The following PTPDC1 variants were observed in gnomAD, a reference collection of about 807,000 sequenced individuals.
PTPDC1 encodes protein tyrosine phosphatase domain-containing protein 1.
In PTPDC1, 53 loss-of-function variants were observed where a neutral mutation model predicts 75.3. The ratio of observed to expected loss-of-function variants is 0.70; its 90% confidence interval spans 0.56 to 0.88. PTPDC1 has a LOEUF of 0.88. PTPDC1 is among the 40% of genes least tolerant of loss of function. The pLI, the probability that PTPDC1 is intolerant of heterozygous loss-of-function variation, is 0.00. For missense variants in PTPDC1, 925 were observed against 998.6 expected (o/e 0.93, Z 0.99); for synonymous variants, 349 against 366.2 (o/e 0.95, Z 0.54).
In PTPDC1 at chr9:94,085,295, C is replaced by A. The variant is rs763097057; in HGVS notation, c.289C>A (p.Arg97Ser). ...PTPKYTKVGE[R>S]LRHVIPGHMA... ...ACCAAAGTACACAAAAGTAGGGGAG[C>A]GTTTACGGCATGTCATTCCTGGACA... Residue 97 changes from arginine (R) to serine (S), a missense_variant, in exon 2 of 9, where the codon CGT becomes AGT. Coordinates refer to ENST00000620992, the MANE Select transcript of PTPDC1 (RefSeq NM_001253829.2). 1.6e-5 allele frequency: 26 copies of A among 1,614,058 alleles called. No homozygotes were observed. The highest frequency in any genetic ancestry group is 2.2e-5 in the Non-Finnish European group (26 of 1,179,978).
At chr9:94,064,670 T>A in intron 1 of PTPDC1, 1 of 1,129,756 alleles carries the variant, frequency 8.9e-7, no homozygotes, top group Non-Finnish European at 1.3e-6. Flanking sequence ...CTAGCCATAT[T>A]TTGGGTGATT....
intron 6 of PTPDC1, 51 bp from the exon 7 acceptor site, chr9:94,101,512 TCTC>T: frequency 7.1e-7 from 1 of 1,410,664 alleles, no homozygotes; most frequent in Non-Finnish European, 9.9e-7. Context: ...TGCACCTCCC[TCTC>T]CTCTCCCTGT....
intron 3 of PTPDC1, 21 bp from the exon 4 acceptor site, chr9:94,088,124 G>A: frequency 1.2e-6 from 2 of 1,609,142 alleles, no homozygotes; most frequent in Non-Finnish European, 1.7e-6. Context: ...CAATATGACT[G>A]ACTGCCCTTT....
chr9:94,060,732 C>T (rs1170190849), intron 1 of PTPDC1, among the ~76,000 whole-genome samples: 1 of 152,076 alleles, frequency 6.6e-6, no homozygotes, highest in Non-Finnish European at 1.5e-5. Flanking sequence ...AGCTGAATCC[C>T]ATGAGAACTC....
intron 1 of PTPDC1, among the ~76,000 whole-genome samples, chr9:94,043,630 A>T (rs537225333): frequency 6.6e-6 from 1 of 152,282 alleles, no homozygotes; most frequent in African/African-American, 2.4e-5. Flanking sequence ...CTGAGGTGGG[A>T]AAAACACCTG....
At chr9:94,038,972 C>T (rs1350461512) in intron 1 of PTPDC1, among the ~76,000 whole-genome samples, 1 of 152,178 alleles carries the variant, frequency 6.6e-6, no homozygotes, top group East Asian at 1.9e-4. Flanking sequence ...TATAAGGTCA[C>T]ATGCTTTTAA....
chr9:94,050,867 C>T (rs984641871), intron 1 of PTPDC1, among the ~76,000 whole-genome samples: 25 of 152,320 alleles, frequency 1.6e-4, no homozygotes, highest in East Asian at 1.9e-4. Flanking sequence ...CCACCCAGTT[C>T]GAGCTTCTCG....
At position 94,098,317 on chromosome 9, in the gene PTPDC1, A is replaced by G; in HGVS notation, c.1751A>G (p.His584Arg). The change falls in exon 6 of 9, where the codon CAT (histidine) becomes CGT (arginine). Residue 584 changes from histidine to arginine, a missense_variant. His to Arg is a conservative substitution (Grantham distance 29). Transcript: ENST00000620992. ...GTGTCTCACTGTCAGTGTAAAACTC[A>G]TGGTGTTGGGAGCCCTGGCTCTGTC... ...QQVSHCQCKTHGVGSPGSVRQ... is the reference protein window; with the variant it reads ...QQVSHCQCKTRGVGSPGSVRQ... The G allele has an allele frequency of 6.2e-7, 1 of 1,614,170 alleles. No individual in the cohort carries two copies. Among genetic ancestry groups the G allele is most frequent in the Non-Finnish European group, 8.5e-7 (1 of 1,180,020 alleles).
At chr9:94,039,958 A>T (rs1318284668) in intron 1 of PTPDC1, among the ~76,000 whole-genome samples, 1 of 152,188 alleles carries the variant, frequency 6.6e-6, no homozygotes, top group African/African-American at 2.4e-5. Flanking sequence ...ATCTTTTATT[A>T]GGGATTCATG....
At chr9:94,100,565 T>C (rs990190425) in intron 6 of PTPDC1, 1 of 152,186 alleles carries the variant, frequency 6.6e-6, no homozygotes, top group African/African-American at 2.4e-5. Flanking sequence ...AACACCCCCT[T>C]TGCCATTTTC....
At chr9:94,071,326 C>T in intron 2 of PTPDC1, among the ~76,000 whole-genome samples, 1 of 152,048 alleles carries the variant, frequency 6.6e-6, no homozygotes, top group East Asian at 1.9e-4. Flanking sequence ...CATATCTGTG[C>T]ATGTCTTTTA....
At chr9:94,047,088 A>C (rs1368054697) in intron 1 of PTPDC1, among the ~76,000 whole-genome samples, 2 of 152,210 alleles carry the variant, frequency 1.3e-5, no homozygotes. Flanking sequence ...CCTTTTCTGC[A>C]TCTATTGAGA....
intron 2 of PTPDC1, among the ~76,000 whole-genome samples, chr9:94,066,093 T>C (rs1031921694): frequency 1.3e-5 from 2 of 152,130 alleles, no homozygotes; most frequent in African/African-American, 4.8e-5. Context: ...CTAAGACATA[T>C]AGCATCTCTG....
intron 1 of PTPDC1, among the ~76,000 whole-genome samples, chr9:94,061,738 G>T (rs1227864160): frequency 6.6e-6 from 1 of 152,228 alleles, no homozygotes; most frequent in Non-Finnish European, 1.5e-5. Context: ...CTGGGGTGCA[G>T]GGAGCAGTGT....
intron 1 of PTPDC1, among the ~76,000 whole-genome samples, chr9:94,054,300 C>G (rs963428043): frequency 2.6e-5 from 4 of 152,170 alleles, no homozygotes; most frequent in African/African-American, 9.7e-5. Context: ...CACAGGATTA[C>G]TGTAGCTGCT....
At chr9:94,036,019 A>AT (rs1825251224) in intron 1 of PTPDC1, among the ~76,000 whole-genome samples, 12 of 74,010 alleles carry the variant, frequency 1.6e-4, no homozygotes, top group African/African-American at 3.3e-4. Context: ...TAATCGGATT[A>AT]TTTGTTTTTT....
chr9:94,043,124 C>T (rs772351547), intron 1 of PTPDC1, among the ~76,000 whole-genome samples: 24 of 152,340 alleles, frequency 1.6e-4, no homozygotes, highest in South Asian at 1.0e-3. Flanking sequence ...GAATCAGCTT[C>T]TTCCTAACTC....
chr9:94,099,506 G>A (rs1827757436), intron 6 of PTPDC1, among the ~76,000 whole-genome samples: 1 of 152,174 alleles, frequency 6.6e-6, no homozygotes, highest in Non-Finnish European at 1.5e-5. Flanking sequence ...AGTTGCAGAG[G>A]CATGAAAATT....
intron 1 of PTPDC1, among the ~76,000 whole-genome samples, chr9:94,049,621 A>C (rs1475705533): frequency 6.6e-6 from 1 of 152,130 alleles, no homozygotes; most frequent in Non-Finnish European, 1.5e-5. Context: ...GGGTAACCCG[A>C]CCTTTCTCTC....
Sources: gnomAD v4.1 joint callset for allele counts (sites outside exome capture counted in the v4.1 genomes callset) on GRCh38, gnomAD v4.1.1 for gene constraint, MANE v1.5 for transcripts, NCBI Gene and HGNC (gene_info 2026-07-23, HGNC 2026-07-21) for gene names.